The following KIAA2012 variants were observed in gnomAD, a reference collection of about 807,000 sequenced individuals.
KIAA2012 encodes the protein uncharacterized protein KIAA2012.
A neutral mutation model predicts 150.6 loss-of-function variants in KIAA2012; 125 were observed. That is an observed-to-expected ratio of 0.83 (90% CI 0.72 to 0.96). The LOEUF (loss-of-function observed/expected upper bound fraction) is 0.96. Among genes scored for constraint, KIAA2012 ranks in the 40% least tolerant of loss-of-function variants. The pLI, the probability that KIAA2012 is intolerant of heterozygous loss-of-function variation, is 0.00. For missense variants in KIAA2012, 1,219 were observed against 1,354.9 expected (o/e 0.90, Z 1.57); for synonymous variants, 462 against 504.7 (o/e 0.92, Z 1.13).
At chr2:202,204,172 G>A (rs1692592362) in intron 23 of KIAA2012, among the ~76,000 whole-genome samples, 1 of 151,378 alleles carries the variant, frequency 6.6e-6, no homozygotes, top group African/African-American at 2.4e-5. Flanking sequence ...GACCTCCTGG[G>A]CTCAAACAAT....
chr2:202,152,122 A>G (rs1344842863), intron 13 of KIAA2012, among the ~76,000 whole-genome samples: 1 of 151,556 alleles, frequency 6.6e-6, no homozygotes, highest in Non-Finnish European at 1.5e-5. Flanking sequence ...TCCCATCACT[A>G]CCTCTTCTTT....
intron 5 of KIAA2012, among the ~76,000 whole-genome samples, chr2:202,098,737 C>A (rs1441826296): frequency 6.6e-6 from 1 of 151,660 alleles, no homozygotes; most frequent in African/African-American, 2.4e-5. Context: ...AACAAGGTTA[C>A]TGTGAGAATT....
chr2:202,192,503 G>C (rs1692341005), intron 19 of KIAA2012, among the ~76,000 whole-genome samples: 1 of 149,096 alleles, frequency 6.7e-6, no homozygotes, highest in African/African-American at 2.5e-5. Context: ...TTTTGCCCAG[G>C]CTGGAGTGCA....
chr2:202,100,246 C>A, intron 6 of KIAA2012, 61 bp from the exon 7 acceptor site: 1 of 1,492,418 alleles, frequency 6.7e-7, no homozygotes. Context: ...AAAGTCAAAA[C>A]TCAACTGTTC....
Position 202,103,132 on chromosome 2 carries a change from G to A in KIAA2012, c.1324+18G>A, listed in dbSNP as rs1690092958. 1 of 1,549,462 alleles carries A rather than the reference G, an allele frequency of 6.5e-7. No individual in the cohort carries two copies. The highest frequency in any genetic ancestry group is 1.2e-5 in the South Asian group (1 of 83,922). On this transcript the variant is annotated intron_variant, in intron 8 of 23. Coordinates refer to ENST00000498697, the MANE Select transcript of KIAA2012 (RefSeq NM_001277372.4). ...CAGAAGAGGTAGGTCCCGGGTGCAT[G>A]GGCACTCCTGAGGGAGAGCCTGGGA...
At chr2:202,107,807 G>A (rs1389525198) in intron 9 of KIAA2012, among the ~76,000 whole-genome samples, 2 of 152,140 alleles carry the variant, frequency 1.3e-5, no homozygotes, top group Non-Finnish European at 2.9e-5. Flanking sequence ...TCAGGAGTTC[G>A]AGACCAGCCT....
intron 15 of KIAA2012, 122 bp from the exon 16 acceptor site, chr2:202,184,631 A>G: frequency 1.7e-6 from 1 of 582,902 alleles, no homozygotes; most frequent in Non-Finnish European, 2.9e-6. Flanking sequence ...TGGGTATAGC[A>G]TACGTCATTG....
chr2:202,190,139 C>T, intron 18 of KIAA2012, 35 bp from the exon 19 acceptor site: 2 of 1,459,310 alleles, frequency 1.4e-6, no homozygotes, highest in African/African-American at 2.9e-5. Context: ...TAAGTTAACT[C>T]AGCTATATCT....
intron 6 of KIAA2012, 132 bp downstream of exon 6, chr2:202,099,928 CTGGACGTGGGAA>C: frequency 4.8e-6 from 4 of 839,056 alleles, no homozygotes; most frequent in Non-Finnish European, 7.1e-6. Context: ...CAGAATCTAG[CTGGACGTGGGAA>C]TGAGACTCTG....
chr2:202,126,553 A>G (rs552900220), intron 12 of KIAA2012, among the ~76,000 whole-genome samples: 34 of 150,576 alleles, frequency 2.3e-4, no homozygotes, highest in African/African-American at 8.0e-4. Context: ...GTTCATTCTC[A>G]TGCATTGGTT....
At chr2:202,137,477 C>G (rs1408645896) in intron 12 of KIAA2012, 1 of 151,918 alleles carries the variant, frequency 6.6e-6, no homozygotes, top group African/African-American at 2.4e-5. Context: ...CCACCACGCC[C>G]GGCTAATTTT....
chr2:202,078,135 C>T (rs1399706778), intron 2 of KIAA2012, among the ~76,000 whole-genome samples: 3 of 152,244 alleles, frequency 2.0e-5, no homozygotes, highest in Non-Finnish European at 2.9e-5. Context: ...ACATTGACTA[C>T]AGGGTTCTTT....
chr2:202,089,583 T>A (rs6747452), intron 2 of KIAA2012, among the ~76,000 whole-genome samples: 10,029 of 152,318 alleles, frequency 0.066, 434 homozygotes, highest in Middle Eastern at 0.14. Flanking sequence ...CTTGGGAGAC[T>A]TCCTTAGCCA....
Position 202,154,736 on chromosome 2 carries a change from A to C in KIAA2012, c.1972A>C (p.Lys658Gln), listed in dbSNP as rs986441727. 6.5e-7 allele frequency: 1 copy of C among 1,550,314 alleles called. No homozygotes were observed. The highest frequency in any genetic ancestry group is 2.0e-5 in the Admixed American group (1 of 50,938). The change falls in exon 14 of 24, where the codon AAA (lysine) becomes CAA (glutamine). Residue 658 changes from lysine (K) to glutamine (Q), a missense_variant. Coordinates refer to ENST00000498697, the MANE Select transcript of KIAA2012 (RefSeq NM_001277372.4). ...AGGAGAGCCTCAAAGTTGTATAAAT[A>C]AAGCGCTGATATGTTCAAACAGAAA... ...KTGEPQSCIN[K>Q]ALICSNRKEF...
chr2:202,202,409 G>T lies in KIAA2012; in HGVS notation c.3408-20G>T. ...GGTGTTTAATCATTATTGGAATTGG[G>T]GGTGGGGTTGTCTCCTTAGGCAAAA... On this transcript the variant is annotated intron_variant, in intron 22 of 23. Coordinates refer to ENST00000498697, the MANE Select transcript of KIAA2012 (RefSeq NM_001277372.4). The T allele has an allele frequency of 2.5e-6, 1 of 399,766 alleles. No homozygotes were observed. Among genetic ancestry groups the T allele is most frequent in the Non-Finnish European group, 4.4e-6 (1 of 226,724 alleles). The allele number at this position is 399,766 out of a possible 1,614,324, so 24.8% of individuals were successfully genotyped here. A position where few individuals can be genotyped will look rare whatever the true frequency, so the allele number is the denominator to read the frequency against.
chr2:202,141,257 T>C (rs1194829414), intron 13 of KIAA2012, among the ~76,000 whole-genome samples: 2 of 151,974 alleles, frequency 1.3e-5, no homozygotes, highest in Non-Finnish European at 1.5e-5. Context: ...GTGGGAATGG[T>C]TCCCAAGGCA....
intron 18 of KIAA2012, 43 bp downstream of exon 18, chr2:202,188,309 T>C: frequency 4.0e-6 from 6 of 1,481,506 alleles, no homozygotes; most frequent in Non-Finnish European, 5.5e-6. Flanking sequence ...AGAAGACTTC[T>C]GTTAGGGGTC....
At position 202,097,547 on chromosome 2, in the gene KIAA2012, G is replaced by A; in HGVS notation, c.798G>A (p.Gln266=). Reference sequence around the variant, plus strand: ...CTCGCTTGCCACCACGCAGGAAGCAGCCCTGGCAGGAAGATGAAACGCAGG... The same window carrying A: ...CTCGCTTGCCACCACGCAGGAAGCAACCCTGGCAGGAAGATGAAACGCAGG... ...QGTRLPPRRK[Q]PWQEDETQAE... is the part of the protein sequence containing the mutation. The change falls in exon 5 of 24, where the codon CAG becomes CAA. Residue 266 remains glutamine (Q), a synonymous_variant. Coordinates refer to ENST00000498697, the MANE Select transcript of KIAA2012 (RefSeq NM_001277372.4). The A allele has an allele frequency of 6.5e-7, 1 of 1,550,068 alleles. No individual in the cohort carries two copies. The highest frequency in any genetic ancestry group is 8.7e-7 in the Non-Finnish European group (1 of 1,146,902).
In KIAA2012 at chr2:202,184,849, T is replaced by C. The variant is rs1430311043; in HGVS notation, c.2210+6T>C. On this transcript the variant is annotated splice_donor_region_variant and intron_variant, in intron 16 of 23. Transcript: ENST00000498697. ...GCAGATATTGTGCAAAAAGTGTAAG[T>C]GTTCAAAGTTGTAATAACATAGGCT... 1.1e-5 allele frequency: 17 copies of C among 1,537,734 alleles called. No homozygotes were observed. The highest frequency in any genetic ancestry group is 1.4e-5 in the Non-Finnish European group (16 of 1,140,678).
Sources: gnomAD v4.1 joint callset for allele counts (sites outside exome capture counted in the v4.1 genomes callset) on GRCh38, gnomAD v4.1.1 for gene constraint, MANE v1.5 for transcripts, NCBI Gene and HGNC (gene_info 2026-07-23, HGNC 2026-07-21) for gene names.